Variants in ATG3 observed in about 807,000 individuals in gnomAD.
ATG3 encodes autophagy related 3.
In ATG3, 25 loss-of-function variants were observed where a neutral mutation model predicts 50.7. The observed-to-expected ratio is 0.49, with a 90% CI of 0.36 to 0.69. ATG3 has a LOEUF of 0.69. Ranked by LOEUF, ATG3 falls within the 30% of genes least tolerant of loss-of-function variation. The probability of loss-of-function intolerance (pLI) is 0.00; values close to 1 mark genes in which losing one functional copy is unlikely to be tolerated. For missense variants in ATG3, 281 were observed against 376.0 expected (o/e 0.75, Z 2.09); for synonymous variants, 119 against 125.5 (o/e 0.95, Z 0.34).
intron 2 of ATG3, among the ~76,000 whole-genome samples, chr3:112,557,179 C>T (rs576782526): frequency 7.5e-6 from 1 of 133,868 alleles, no homozygotes; most frequent in African/African-American, 2.9e-5. Context: ...GTTCTGTCGC[C>T]CAGGCTGGAC....
intron 2 of ATG3, among the ~76,000 whole-genome samples, chr3:112,555,961 T>C (rs778299130): frequency 3.3e-4 from 50 of 152,242 alleles, no homozygotes; most frequent in Non-Finnish European, 4.6e-4. Context: ...TGCAACTATA[T>C]ATTCAACAAT....
In ATG3 at chr3:112,536,619, T is replaced by C. The variant is rs541894823; in HGVS notation, c.667-17A>G. ...CTGCCGTTGCTGAAAGCATAAAAAA[T>C]GCTTTGAAATTACTATTTAAGGCCG... On this transcript the variant is annotated splice_polypyrimidine_tract_variant and intron_variant, in intron 9 of 11. Transcript: ENST00000283290. 1.2e-6 allele frequency: 2 copies of C among 1,612,042 alleles called. No homozygotes were observed. The highest frequency in any genetic ancestry group is 2.2e-5 in the South Asian group (2 of 91,062).
chr3:112,536,264 CAT>C, intron 10 of ATG3: 1 of 512,392 alleles, frequency 2.0e-6, no homozygotes, highest in Non-Finnish European at 3.3e-6. Context: ...AAATTCTTAA[CAT>C]ATTAAACTTA....
At chr3:112,543,281 T>C (rs1933282697) in intron 6 of ATG3, among the ~76,000 whole-genome samples, 1 of 152,094 alleles carries the variant, frequency 6.6e-6, no homozygotes, top group Non-Finnish European at 1.5e-5. Context: ...TTTTATATTA[T>C]TTTTTCATAT....
At chr3:112,552,028 A>T (rs1933542568) in intron 3 of ATG3, among the ~76,000 whole-genome samples, 1 of 152,234 alleles carries the variant, frequency 6.6e-6, no homozygotes, top group Admixed American at 6.5e-5. Flanking sequence ...AAGTATTAAA[A>T]TGCAGGAGAA....
At chr3:112,540,291 G>A (rs1933190844) in intron 7 of ATG3, among the ~76,000 whole-genome samples, 1 of 152,208 alleles carries the variant, frequency 6.6e-6, no homozygotes, top group Non-Finnish European at 1.5e-5. Context: ...TTTTGATCTA[G>A]CAAGCATCAC....
chr3:112,533,545 C>T (rs1219059387), intron 11 of ATG3: 1 of 985,338 alleles, frequency 1.0e-6, no homozygotes, highest in Non-Finnish European at 1.2e-6. Context: ...GACGTGGCAT[C>T]TTAGTCTCCA....
chr3:112,561,369 C>G (rs1933869147), intron 1 of ATG3, 88 bp downstream of exon 1: 1 of 1,399,576 alleles, frequency 7.1e-7, no homozygotes, highest in Non-Finnish European at 1.0e-6. Flanking sequence ...CCTTGCCCCG[C>G]CGGAGAAAGC....
At chr3:112,548,276 CG>C (rs1258320295) in intron 5 of ATG3, among the ~76,000 whole-genome samples, 1 of 152,022 alleles carries the variant, frequency 6.6e-6, no homozygotes, top group Non-Finnish European at 1.5e-5. Flanking sequence ...CGCTTGAACC[CG>C]GGAGGTGGAG....
intron 10 of ATG3, 192 bp downstream of exon 10, chr3:112,536,283 A>G: frequency 1.7e-6 from 1 of 602,218 alleles, no homozygotes; most frequent in South Asian, 2.4e-5. Flanking sequence ...CTTAAAACAA[A>G]TTGGTAAGTT....
intron 3 of ATG3, among the ~76,000 whole-genome samples, chr3:112,551,639 G>A (rs1933532346): frequency 6.6e-6 from 1 of 151,756 alleles, no homozygotes; most frequent in Non-Finnish European, 1.5e-5. Flanking sequence ...TAATTAAGCT[G>A]GTAGAACAAA....
At chr3:112,548,441 T>C (rs1248239792) in intron 5 of ATG3, 92 bp downstream of exon 5, 9 of 1,125,962 alleles carry the variant, frequency 8.0e-6, no homozygotes, top group African/African-American at 1.6e-5. Context: ...AACTATGCCT[T>C]ATGTATCCTC....
chr3:112,537,643 C>A (rs1349222601), intron 9 of ATG3, 92 bp downstream of exon 9: 8 of 939,134 alleles, frequency 8.5e-6, no homozygotes, highest in African/African-American at 3.4e-5. Context: ...ATGTGAAACA[C>A]TGCAATAAAT....
intron 3 of ATG3, among the ~76,000 whole-genome samples, chr3:112,551,763 A>C (rs1211935834): frequency 3.3e-5 from 5 of 152,192 alleles, no homozygotes; most frequent in African/African-American, 1.2e-4. Flanking sequence ...AATACATATA[A>C]ATTATAGACC....
chr3:112,548,598 T>A lies in ATG3; in HGVS notation c.278A>T (p.Glu93Val), dbSNP rs1181091842. The change falls in exon 5 of 12, where the codon GAA (glutamate) becomes GTA (valine). Residue 93 changes from glutamate to valine, a missense_variant. Physicochemically the swap from Glu to Val is moderately radical, Grantham distance 121. Coordinates refer to ENST00000283290, the MANE Select transcript of ATG3 (RefSeq NM_022488.5). ...ATCTTCTTCAATGATAGCTTCCAAT[T>A]CATCTGAATATTCCATCTGTTTGCA... ...KRCKQMEYSD[E>V]LEAIIEEDDG... 1 of 1,614,042 alleles carries A rather than the reference T, an allele frequency of 6.2e-7. No homozygotes were observed. Among genetic ancestry groups the A allele is most frequent in the South Asian group, 1.1e-5 (1 of 91,072 alleles).
chr3:112,551,084 C>T (rs1933512700), intron 3 of ATG3, among the ~76,000 whole-genome samples: 1 of 152,186 alleles, frequency 6.6e-6, no homozygotes, highest in Admixed American at 6.5e-5. Context: ...GCTGCTCTGG[C>T]ACCTCTTCTT....
chr3:112,538,010 C>T, intron 8 of ATG3, 120 bp from the exon 9 acceptor site: 1 of 1,240,966 alleles, frequency 8.1e-7, no homozygotes, highest in Non-Finnish European at 1.1e-6. Context: ...ACTTGGAACT[C>T]AAAGCTACGT....
intron 11 of ATG3, 25 bp from the exon 12 acceptor site, chr3:112,532,805 T>C (rs2082565572): frequency 6.4e-7 from 1 of 1,559,970 alleles, no homozygotes; most frequent in Non-Finnish European, 8.6e-7. Context: ...CTAAGGAAAA[T>C]AAGATTTGTA....
Position 112,548,619 on chromosome 3 carries a change from T to C in ATG3, c.257A>G (p.Lys86Arg). 6.2e-7 allele frequency: 1 copy of C among 1,613,980 alleles called. No individual in the cohort carries two copies. Among genetic ancestry groups the C allele is most frequent in the Non-Finnish European group, 8.5e-7 (1 of 1,179,954 alleles). ...CAATTCATCTGAATATTCCATCTGT[T>C]TGCACCGCTTATAGCACGGCACTAT... Reference protein sequence around the residue: ...TKNVPCYKRCKQMEYSDELEA... With the variant: ...TKNVPCYKRCRQMEYSDELEA... Residue 86 changes from lysine (K) to arginine (R), a missense_variant, in exon 5 of 12, where the codon AAA (lysine) becomes AGA (arginine). Physicochemically the swap from Lys to Arg is conservative, Grantham distance 26. Around this residue, in one of 3 missense-constraint regions of ATG3, gnomAD observed 242 missense variants for 305.0 expected, o/e 0.79. Transcript: ENST00000283290.
Sources: allele counts gnomAD v4.1 joint callset (sites outside exome capture counted in the v4.1 genomes callset), GRCh38; gene constraint gnomAD v4.1.1; regional missense constraint gnomAD v4.1.1; transcripts MANE v1.5; gene names NCBI Gene and HGNC (gene_info 2026-07-23, HGNC 2026-07-21).